Variants in DEUP1 observed in about 807,000 individuals in gnomAD.
DEUP1 encodes coiled-coil domain containing 67.
A neutral mutation model predicts 87.4 loss-of-function variants in DEUP1; 82 were observed. The ratio of observed to expected loss-of-function variants is 0.94; its 90% CI spans 0.78 to 1.13. DEUP1 has a LOEUF of 1.13. Among genes scored for constraint, DEUP1 ranks in the 50% most tolerant of loss-of-function variants. The pLI, the probability that DEUP1 is intolerant of heterozygous loss-of-function variation, is 0.00. For missense variants in DEUP1, 663 were observed against 681.5 expected (o/e 0.97, Z 0.30); for synonymous variants, 214 against 222.7 (o/e 0.96, Z 0.35).
chr11:93,366,969 A>G (rs1269789224), intron 5 of DEUP1, among the ~76,000 whole-genome samples: 1 of 152,190 alleles, frequency 6.6e-6, no homozygotes, highest in Non-Finnish European at 1.5e-5. Context: ...GCTATTTTCT[A>G]CTAGAACCTC....
At chr11:93,335,458 A>AT (rs1327510852) in intron 2 of DEUP1, among the ~76,000 whole-genome samples, 1 of 152,142 alleles carries the variant, frequency 6.6e-6, no homozygotes, top group African/African-American at 2.4e-5. Flanking sequence ...GTACAGTTAC[A>AT]TTAATTTTTG....
chr11:93,367,840 A>G lies in DEUP1; in HGVS notation c.433-2233A>G, dbSNP rs138437571. Among the ~76,000 whole-genome samples the G allele has an allele frequency of 3.9e-5, 6 of 152,338 alleles. No individual in the cohort carries two copies. In the East Asian group the frequency reaches 1.2e-3, roughly 29 times the overall value. On this transcript the variant is annotated intron_variant, in intron 5 of 13. Coordinates refer to ENST00000298050, the MANE Select transcript of DEUP1 (RefSeq NM_181645.4). ...TACAACATTTTTTGAGAATGTTTAA[A>G]TTCTAGGAAATGCCAATACTGTACC... is the stretch of plus-strand genomic sequence containing the variant.
intron 7 of DEUP1, among the ~76,000 whole-genome samples, chr11:93,384,149 C>T (rs1331603681): frequency 6.6e-6 from 1 of 152,204 alleles, no homozygotes; most frequent in Non-Finnish European, 1.5e-5. Flanking sequence ...CAAATGAGCA[C>T]TCAACACTGC....
chr11:93,412,223 A>G (rs1947455716), intron 12 of DEUP1, among the ~76,000 whole-genome samples: 2 of 152,218 alleles, frequency 1.3e-5, no homozygotes, highest in Admixed American at 1.3e-4. Flanking sequence ...TCAAGTCTCA[A>G]GTGGACAGAG....
chr11:93,380,331 C>CATT (rs149064030), intron 7 of DEUP1, among the ~76,000 whole-genome samples: 122,339 of 151,958 alleles, frequency 0.81, 49,364 homozygotes, highest in East Asian at 0.89. Context: ...TTGTGACTCA[C>CATT]ATATTTTTAG....
intron 5 of DEUP1, among the ~76,000 whole-genome samples, chr11:93,364,826 C>T (rs1350680495): frequency 6.6e-6 from 1 of 151,998 alleles, no homozygotes; most frequent in Non-Finnish European, 1.5e-5. Flanking sequence ...TATATATCTA[C>T]TATGTACCCA....
At chr11:93,392,310 G>A (rs964553323) in intron 9 of DEUP1, among the ~76,000 whole-genome samples, 16 of 152,168 alleles carry the variant, frequency 1.1e-4, no homozygotes, top group African/African-American at 3.9e-4. Context: ...AGAGGTTGCA[G>A]AGCACAATAG....
At chr11:93,348,616 A>G (rs1341313790) in intron 2 of DEUP1, among the ~76,000 whole-genome samples, 3 of 152,148 alleles carry the variant, frequency 2.0e-5, no homozygotes, top group Admixed American at 6.5e-5. Flanking sequence ...GAAGCAGGTT[A>G]TTCAGTTTCT....
intron 9 of DEUP1, among the ~76,000 whole-genome samples, chr11:93,392,168 T>C (rs1342772470): frequency 6.6e-6 from 1 of 152,168 alleles, no homozygotes; most frequent in Non-Finnish European, 1.5e-5. Flanking sequence ...AAAACACAGC[T>C]TTTTCTGATC....
Position 93,418,236 on chromosome 11 carries a change from G to A in DEUP1, c.1638+3122G>A, listed in dbSNP as rs1385086814. Among the ~76,000 whole-genome samples, 5 of 152,042 alleles carry A rather than the reference G, an allele frequency of 3.3e-5. No homozygotes were observed. In the South Asian group the frequency reaches 8.3e-4, roughly 25 times the overall value. ...CAGCAAAAGAAACTACCATCAGAGC[G>A]AACAGGCAACCTACAAAATGGGAGA... On this transcript the variant is annotated intron_variant, in intron 13 of 13. Coordinates refer to ENST00000298050, the MANE Select transcript of DEUP1 (RefSeq NM_181645.4).
rs1229983668 is a variant in DEUP1 at position 93,374,072 on chromosome 11, T to C, written c.789+2792T>C. Reference sequence around the variant, plus strand: ...TTTTTTCATGTGTTTGTTGGCCATTTGTATATCTTCTTTTGAGAATTGTCA... The same window carrying C: ...TTTTTTCATGTGTTTGTTGGCCATTCGTATATCTTCTTTTGAGAATTGTCA... On this transcript the variant is annotated intron_variant, in intron 7 of 13. Transcript: ENST00000298050. Among the ~76,000 whole-genome samples the C allele has an allele frequency of 2.0e-5, 3 of 152,204 alleles. No individual in the cohort carries two copies. The East Asian group carries it at 5.8e-4, about 29-fold the overall frequency.
intron 2 of DEUP1, 21 bp from the exon 3 acceptor site, chr11:93,355,350 T>C: frequency 6.2e-7 from 1 of 1,610,308 alleles, no homozygotes; most frequent in Non-Finnish European, 8.5e-7. Flanking sequence ...AAAATGTATT[T>C]TACTTTCCTA....
chr11:93,330,417 T>C (rs1334154523), upstream of DEUP1, among the ~76,000 whole-genome samples: 2 of 152,140 alleles, frequency 1.3e-5, no homozygotes, highest in East Asian at 1.9e-4. Flanking sequence ...GGACCCAGAA[T>C]AGAGGGGGCA....
At position 93,408,222 on chromosome 11, in the gene DEUP1, A is replaced by T. The variant is rs1947337161; in HGVS notation, c.1327-9A>T. On this transcript the variant is annotated splice_polypyrimidine_tract_variant and intron_variant, in intron 11 of 13. Coordinates refer to ENST00000298050, the MANE Select transcript of DEUP1 (RefSeq NM_181645.4). ...AGTTTATTCAATGATAGTTTATTTT[A>T]TTCTCTAGAGTATGGACTTCACTAA... 4 of 1,522,768 alleles carry T rather than the reference A, an allele frequency of 2.6e-6. No homozygotes were observed. The highest frequency in any genetic ancestry group is 3.5e-6 in the Non-Finnish European group (4 of 1,133,726). The allele number at this position is 1,522,768 out of a possible 1,614,324, so 94.3% of individuals were successfully genotyped here.
At chr11:93,345,191 G>A (rs1565294292) in intron 2 of DEUP1, among the ~76,000 whole-genome samples, 1 of 152,092 alleles carries the variant, frequency 6.6e-6, no homozygotes, top group African/African-American at 2.4e-5. Context: ...ACATGATCTT[G>A]TTCCTTTTAT....
At chr11:93,343,761 G>A (rs550361523) in intron 2 of DEUP1, among the ~76,000 whole-genome samples, 12 of 152,268 alleles carry the variant, frequency 7.9e-5, no homozygotes, top group East Asian at 3.9e-4. Context: ...AGGCTATGGC[G>A]TTGTACTTTA....
At chr11:93,341,315 A>C (rs892791986) in intron 2 of DEUP1, among the ~76,000 whole-genome samples, 1 of 151,520 alleles carries the variant, frequency 6.6e-6, no homozygotes, top group African/African-American at 2.4e-5. Flanking sequence ...GTTACTCAGG[A>C]GGCTGAGGCA....
chr11:93,397,859 G>T (rs571891142), intron 11 of DEUP1, among the ~76,000 whole-genome samples: 1 of 152,174 alleles, frequency 6.6e-6, no homozygotes, highest in Admixed American at 6.5e-5. Context: ...CAAATCAGTA[G>T]ATGAACATCC....
chr11:93,352,432 T>G, intron 2 of DEUP1: 1 of 701,476 alleles, frequency 1.4e-6, no homozygotes. Flanking sequence ...CCAATCTGTC[T>G]TAACAACAGT....
Sources: allele counts gnomAD v4.1 joint callset (sites outside exome capture counted in the v4.1 genomes callset), GRCh38; gene constraint gnomAD v4.1.1; transcripts MANE v1.5; gene names NCBI Gene and HGNC (gene_info 2026-07-23, HGNC 2026-07-21).